FBRSL1: variants seen among roughly 807,000 people sequenced by gnomAD.
The protein encoded by FBRSL1 is fibrosin-1-like protein.
Under a neutral mutation model 89.6 loss-of-function variants are expected in FBRSL1, and 51 were observed. That is an observed-to-expected ratio of 0.57 (90% CI 0.45 to 0.72). FBRSL1 has a LOEUF of 0.72. FBRSL1 is among the 30% of genes least tolerant of loss of function. The pLI is 0.00. For missense variants in FBRSL1, 1,618 were observed against 1,451.8 expected (o/e 1.11, Z -1.86); for synonymous variants, 779 against 681.1 (o/e 1.14, Z -2.24).
Position 132,490,672 on chromosome 12 carries a change from G to T in FBRSL1, c.102G>T (p.Ser34=). Reference sequence around the variant, plus strand: ...ACGCCCGCGCCCAGAGTCCGTCGTCGGGCGACGAGCCCGAGCCCAGCCCCG... The same window carrying T: ...ACGCCCGCGCCCAGAGTCCGTCGTCTGGCGACGAGCCCGAGCCCAGCCCCG... ...ARDARAQSPS[S]GDEPEPSPGK... Residue 34 remains serine, a synonymous_variant, in exon 1 of 19, where the codon TCG becomes TCT. Transcript: ENST00000680143. 1.0e-6 allele frequency: 1 copy of T among 999,260 alleles called. No individual in the cohort carries two copies. Among genetic ancestry groups the T allele is most frequent in the Non-Finnish European group, 1.2e-6 (1 of 835,630 alleles). The allele number at this position is 999,260 out of a possible 1,614,324, so 61.9% of individuals were successfully genotyped here.
chr12:132,561,780 C>T (rs1336183576), intron 5 of FBRSL1, among the ~76,000 whole-genome samples: 2 of 152,184 alleles, frequency 1.3e-5, no homozygotes, highest in African/African-American at 4.8e-5. Context: ...GTCCAGAAGT[C>T]CTCCCAGGAG....
intron 4 of FBRSL1, among the ~76,000 whole-genome samples, chr12:132,547,085 C>G (rs910940417): frequency 6.6e-6 from 1 of 152,192 alleles, no homozygotes; most frequent in Non-Finnish European, 1.5e-5. Context: ...GATTTTTCCC[C>G]TTTTGACTGT....
intron 2 of FBRSL1, among the ~76,000 whole-genome samples, chr12:132,517,852 T>C (rs962429369): frequency 7.2e-5 from 11 of 152,030 alleles, no homozygotes; most frequent in Non-Finnish European, 1.3e-4. Flanking sequence ...TGGTGGCGCC[T>C]GTCGGGAGGC....
intron 5 of FBRSL1, among the ~76,000 whole-genome samples, chr12:132,560,561 C>T (rs549196376): frequency 1.3e-5 from 2 of 152,276 alleles, no homozygotes; most frequent in Admixed American, 1.3e-4. Context: ...GCGCCGCGCT[C>T]ACCTGCCCCG....
rs74961352 is a variant in FBRSL1, at chr12:132,562,106, G to A, written c.646-5375G>A. Among the ~76,000 whole-genome samples the A allele has an allele frequency of 2.0e-5, 3 of 152,248 alleles. No homozygotes were observed. In the South Asian group the frequency reaches 6.2e-4, roughly 32 times the overall value. On this transcript the variant is annotated intron_variant, in intron 5 of 18. Transcript: ENST00000680143. ...TTCTCTCGGAGTCCTTCCTGTTTCC[G>A]ATGCTGGGATGGTCACTGCGTAGCC... is the stretch of plus-strand genomic sequence containing the variant.
chr12:132,511,037 C>G, intron 2 of FBRSL1: 1 of 986,246 alleles, frequency 1.0e-6, no homozygotes, highest in Non-Finnish European at 1.2e-6. Context: ...GCAGAGTGGC[C>G]CAGTGGCGAA....
chr12:132,493,523 AC>A (rs2136315175), intron 1 of FBRSL1, among the ~76,000 whole-genome samples: 1 of 151,382 alleles, frequency 6.6e-6, no homozygotes, highest in South Asian at 2.1e-4. Context: ...CCTGGGGCAG[AC>A]CCCCACTCGC....
intron 3 of FBRSL1, 140 bp downstream of exon 3, chr12:132,525,963 C>G: frequency 1.5e-6 from 1 of 674,346 alleles, no homozygotes; most frequent in Non-Finnish European, 2.5e-6. Context: ...GAGTCTGGGC[C>G]CCCTGCCCGC....
chr12:132,498,047 G>T (rs1249450188), intron 1 of FBRSL1, among the ~76,000 whole-genome samples: 1 of 152,158 alleles, frequency 6.6e-6, no homozygotes, highest in Non-Finnish European at 1.5e-5. Context: ...TGGGGGGCCC[G>T]TCACAGCCTG....
intron 2 of FBRSL1, among the ~76,000 whole-genome samples, chr12:132,516,866 G>A (rs182831044): frequency 9.8e-5 from 15 of 152,314 alleles, no homozygotes; most frequent in African/African-American, 2.9e-4. Context: ...TCTGTAAAAC[G>A]GGGATGTTAC....
intron 1 of FBRSL1, among the ~76,000 whole-genome samples, chr12:132,491,643 C>A (rs757200632): frequency 6.6e-6 from 1 of 152,250 alleles, no homozygotes; most frequent in Non-Finnish European, 1.5e-5. Flanking sequence ...CATTTCCAAC[C>A]CCTCTCACTT....
In FBRSL1 at chr12:132,572,345, G is replaced by T. The variant is rs780142841; in HGVS notation, c.1434+1G>T. On this transcript the variant is annotated splice_donor_variant, in intron 10 of 18. Transcript: ENST00000680143. LOFTEE classifies it high-confidence loss of function. ...CTACTTCCGACATTCCAGCGTGAGT[G>T]TGAGTGTCCCCGAGGGGCCCGGCGC... 3 of 1,550,990 alleles carry T rather than the reference G, an allele frequency of 1.9e-6. No homozygotes were observed. Among genetic ancestry groups the T allele is most frequent in the African/African-American group, 2.7e-5 (2 of 73,038 alleles).
intron 4 of FBRSL1, among the ~76,000 whole-genome samples, chr12:132,541,181 ACCCC>A: frequency 6.7e-6 from 1 of 149,652 alleles, no homozygotes; most frequent in South Asian, 2.1e-4. Flanking sequence ...CTCCCACCAC[ACCCC>A]TACCCCGAGG....
At chr12:132,555,094 C>T (rs995615635) in intron 5 of FBRSL1, 18 of 152,348 alleles carry the variant, frequency 1.2e-4, no homozygotes, top group African/African-American at 4.3e-4. Context: ...CCCTGGTTTC[C>T]TTGCCTGTAA....
intron 1 of FBRSL1, among the ~76,000 whole-genome samples, chr12:132,498,403 C>T (rs972039790): frequency 3.7e-4 from 56 of 152,328 alleles, no homozygotes; most frequent in African/African-American, 1.2e-3. Context: ...CGGCTGGAGG[C>T]TGAGCTACAG....
rs2040909092 is a variant in FBRSL1 at position 132,583,202 on chromosome 12, C to T, written c.2433C>T (p.Asp811=). The T allele has an allele frequency of 1.3e-5, 19 of 1,445,942 alleles. No individual in the cohort carries two copies. Among genetic ancestry groups the T allele is most frequent in the Non-Finnish European group, 1.5e-5 (17 of 1,102,530 alleles). The allele number at this position is 1,445,942 out of a possible 1,614,324, so 89.6% of individuals were successfully genotyped here. Residue 811 remains aspartate, a synonymous_variant, in exon 19 of 19, where the codon GAC becomes GAT. Transcript: ENST00000680143. ...SPPHSKAAPG[D]VKVKEERGED... Reference sequence around the variant, plus strand: ...CCCACAGCAAGGCGGCCCCTGGAGACGTGAAGGTCAAGGAGGAGCGCGGGG... The same window carrying T: ...CCCACAGCAAGGCGGCCCCTGGAGATGTGAAGGTCAAGGAGGAGCGCGGGG...
chr12:132,569,853 A>AGGGCTCCCT, intron 6 of FBRSL1, 73 bp from the exon 7 acceptor site: 1 of 1,205,560 alleles, frequency 8.3e-7, no homozygotes, highest in Non-Finnish European at 1.1e-6. Flanking sequence ...GGCACGTACC[A>AGGGCTCCCT]GGGCTCCCTG....
chr12:132,520,500 A>T (rs1179574785), intron 2 of FBRSL1, among the ~76,000 whole-genome samples: 1 of 152,144 alleles, frequency 6.6e-6, no homozygotes, highest in Non-Finnish European at 1.5e-5. Flanking sequence ...CTGCCCTCCA[A>T]ACGCCCGAGG....
chr12:132,540,122 G>C (rs183989008), intron 4 of FBRSL1, among the ~76,000 whole-genome samples: 1 of 16,658 alleles, frequency 6.0e-5, no homozygotes, highest in Non-Finnish European at 1.1e-4. Flanking sequence ...CCTTCAGCCC[G>C]ATGCCCACCC....
Sources: allele counts gnomAD v4.1 joint callset (sites outside exome capture counted in the v4.1 genomes callset), GRCh38; gene constraint gnomAD v4.1.1; transcripts MANE v1.5; gene names NCBI Gene and HGNC (gene_info 2026-07-23, HGNC 2026-07-21).